The following ECE1 variants were observed in gnomAD, a reference collection of about 807,000 sequenced individuals.
The protein encoded by ECE1 is endothelin converting enzyme 1, also known as endothelin-converting enzyme 1.
ECE1 carries 35 observed loss-of-function variants against 98.6 expected under a neutral mutation model. That is an observed-to-expected ratio of 0.35 (90% CI 0.27 to 0.47). ECE1 has a LOEUF of 0.47. Among genes scored for constraint, ECE1 ranks in the 20% least tolerant of loss-of-function variants. ECE1 has a pLI of 1.00. For synonymous variants in ECE1, 394 were observed against 407.1 expected (o/e 0.97, Z 0.39); for missense variants, 814 against 1,025.3 (o/e 0.79, Z 2.81).
At chr1:21,254,068 CAAAAAAAA>C (rs57691016) in intron 8 of ECE1, among the ~76,000 whole-genome samples, 8 of 99,126 alleles carry the variant, frequency 8.1e-5, no homozygotes, top group Admixed American at 1.1e-4. Context: ...GACTTTGTCT[CAAAAAAAA>C]AAAAAAAAAA....
chr1:21,241,478 A>G (rs2098196254), intron 10 of ECE1, among the ~76,000 whole-genome samples: 1 of 141,680 alleles, frequency 7.1e-6, no homozygotes, highest in South Asian at 2.2e-4. Context: ...GTTGGAGTGC[A>G]GTGGTGTGAT....
chr1:21,228,363 G>A (rs1349622263), intron 14 of ECE1, among the ~76,000 whole-genome samples: 1 of 152,126 alleles, frequency 6.6e-6, no homozygotes, highest in Non-Finnish European at 1.5e-5. Flanking sequence ...CTGTGCCTGG[G>A]TGCAGGACTG....
rs751269183 is a variant in ECE1, at chr1:21,260,284, T to A, written c.602A>T (p.Glu201Val). 6.2e-7 allele frequency: 1 copy of A among 1,614,206 alleles called. No individual in the cohort carries two copies. The highest frequency in any genetic ancestry group is 1.7e-5 in the Admixed American group (1 of 60,028). ...IEELRAKPLM[E>V]LIERLGGWNI... ...CGAGGCACTCACCCTCTCAATCAAC[T>A]CCATTAGAGGTTTGGCCCTGAGCTC... Residue 201 changes from glutamate to valine, a missense_variant, in exon 5 of 19, where the codon GAG becomes GTG. By Grantham distance (121) the Glu-to-Val change is moderately radical. This residue lies in a region of ECE1 where 257 missense variants were observed against 278.9 expected (regional missense o/e 0.92). Transcript: ENST00000374893. This position sits in a 1 kb window ranked among gnomAD's most constrained non-coding sequence, Gnocchi z 4.3.
At chr1:21,232,314 T>C (rs2098182840) in intron 14 of ECE1, among the ~76,000 whole-genome samples, 1 of 152,044 alleles carries the variant, frequency 6.6e-6, no homozygotes, top group East Asian at 1.9e-4. Flanking sequence ...CTTTCTTTTT[T>C]TTCAGGCAGG....
At chr1:21,273,809 C>T (rs567054986) in intron 3 of ECE1, among the ~76,000 whole-genome samples, 112 of 152,284 alleles carry the variant, frequency 7.4e-4, no homozygotes, top group Non-Finnish European at 1.4e-3. Flanking sequence ...GAGCCAAGAT[C>T]GAGCCATTGC....
intron 1 of ECE1, among the ~76,000 whole-genome samples, chr1:21,339,854 G>A (rs931795982): frequency 6.6e-5 from 10 of 152,208 alleles, no homozygotes; most frequent in Admixed American, 4.6e-4. Context: ...CACCAAGACA[G>A]GCCTGGGGCA....
chr1:21,282,786 G>C (rs2098256306), intron 2 of ECE1, among the ~76,000 whole-genome samples: 1 of 151,892 alleles, frequency 6.6e-6, no homozygotes, highest in Non-Finnish European at 1.5e-5. Context: ...GGAGAGAAGG[G>C]AGAGAAGAAA....
chr1:21,301,827 GAAAAAAAAAAAAAAAA>G lies in ECE1; in HGVS notation c.4-11687_4-11672del, dbSNP rs34861827. On this transcript the variant is annotated intron_variant, in intron 1 of 18. Transcript: ENST00000415912. ...GGTGACAGAGTGAGACCCTGTCTCAGAAAAAAAAAAAAAAAAAAAAAAAAAAAGGCCAATTCAACAG... is the reference window on the plus strand; with the variant it reads ...GGTGACAGAGTGAGACCCTGTCTCAGAAAAAAAAAAAGGCCAATTCAACAG... Among the ~76,000 whole-genome samples the G allele has an allele frequency of 9.7e-3, 329 of 33,978 alleles. 5 individuals carry two copies. Among genetic ancestry groups the G allele is most frequent in the African/African-American group, 0.032 (312 of 9,886 alleles). 22.3% of individuals were successfully genotyped at this position (33,978 alleles called of 152,430 possible). A position where few individuals can be genotyped will look rare whatever the true frequency, so the allele number is the denominator to read the frequency against.
chr1:21,278,817 TGAA>T (rs1003872578), intron 3 of ECE1, among the ~76,000 whole-genome samples: 4 of 152,196 alleles, frequency 2.6e-5, no homozygotes, highest in Non-Finnish European at 5.9e-5. Flanking sequence ...GAGCTAAAGT[TGAA>T]GAAGTCCTAC....
intron 1 of ECE1, among the ~76,000 whole-genome samples, chr1:21,326,572 G>A (rs1639082434): frequency 6.6e-6 from 1 of 152,004 alleles, no homozygotes; most frequent in South Asian, 2.1e-4. Flanking sequence ...GAAAATAGGG[G>A]CTCAGGTTCG....
intron 12 of ECE1, among the ~76,000 whole-genome samples, chr1:21,236,393 T>C (rs2098188111): frequency 6.6e-6 from 1 of 152,262 alleles, no homozygotes; most frequent in Non-Finnish European, 1.5e-5. Flanking sequence ...CTTATGCCTA[T>C]AATGCCAGCG....
Position 21,228,946 on chromosome 1 carries a change from A to G in ECE1, c.1671-905T>C, listed in dbSNP as rs1355582751. ...GCCTCCGCCCCCCGGGGTTCACGCC[A>G]TTCTCCTGCCTCAGCCTCCCGTGTA... On this transcript the variant is annotated intron_variant, in intron 14 of 18. Coordinates refer to ENST00000374893, the MANE Select transcript of ECE1 (RefSeq NM_001397.3). 3.4e-5 allele frequency among the ~76,000 whole-genome samples: 5 copies of G among 146,900 alleles called. No individual in the cohort carries two copies. In the East Asian group the frequency reaches 1.0e-3, roughly 31 times the overall value.
At chr1:21,336,537 A>C (rs1067221) in intron 1 of ECE1, among the ~76,000 whole-genome samples, 91,847 of 151,724 alleles carry the variant, frequency 0.61, 27,905 homozygotes, top group South Asian at 0.71. Context: ...TCTACTAAAA[A>C]TACAAAAAAT....
At chr1:21,250,500 G>A (rs538976570) in intron 8 of ECE1, among the ~76,000 whole-genome samples, 4 of 152,172 alleles carry the variant, frequency 2.6e-5, no homozygotes, top group Admixed American at 6.5e-5. Flanking sequence ...TCCCATGTAT[G>A]TTCCTGGGCC....
chr1:21,343,868 G>A (rs1247114269), intron 1 of ECE1, among the ~76,000 whole-genome samples: 2 of 152,114 alleles, frequency 1.3e-5, no homozygotes, highest in South Asian at 2.1e-4. Context: ...ACTCAGGGTG[G>A]GCTTAGAGGC....
chr1:21,233,672 A>C lies in ECE1; in HGVS notation c.1567-11T>G. Reference sequence around the variant, plus strand: ...TGGAACTGCAGTGTACTAGAAAAGAAGAAGTGGAGTCAATCACAGTGTGCC... The same window carrying C: ...TGGAACTGCAGTGTACTAGAAAAGACGAAGTGGAGTCAATCACAGTGTGCC... On this transcript the variant is annotated splice_polypyrimidine_tract_variant and intron_variant, in intron 13 of 18. Transcript: ENST00000374893. The surrounding 1 kb of genome is among the most constrained non-coding windows in gnomAD (Gnocchi z 4.0). 1 of 1,612,688 alleles carries C rather than the reference A, an allele frequency of 6.2e-7. No homozygotes were observed. Among genetic ancestry groups the C allele is most frequent in the Non-Finnish European group, 8.5e-7 (1 of 1,178,910 alleles).
At chr1:21,309,810 G>C (rs1195237429) in intron 1 of ECE1, among the ~76,000 whole-genome samples, 2 of 76,626 alleles carry the variant, frequency 2.6e-5, no homozygotes, top group Non-Finnish European at 4.9e-5. Context: ...GAGACGTTTT[G>C]AGACGGAGTC....
chr1:21,274,256 G>A (rs2098243936), intron 3 of ECE1, among the ~76,000 whole-genome samples: 1 of 152,222 alleles, frequency 6.6e-6, no homozygotes, highest in Non-Finnish European at 1.5e-5. Context: ...TGCCAAGGCT[G>A]TGTTTTTCTG....
intron 1 of ECE1, among the ~76,000 whole-genome samples, chr1:21,315,496 A>G (rs1638811788): frequency 6.6e-6 from 1 of 152,248 alleles, no homozygotes; most frequent in South Asian, 2.1e-4. Flanking sequence ...GCAACTAGGC[A>G]TTAAAAGCTG....
Sources: allele counts gnomAD v4.1 joint callset (sites outside exome capture counted in the v4.1 genomes callset), GRCh38; gene constraint gnomAD v4.1.1; regional missense constraint gnomAD v4.1.1; non-coding constraint Gnocchi (gnomAD v3.1); transcripts MANE v1.5; gene names NCBI Gene and HGNC (gene_info 2026-07-23, HGNC 2026-07-21).